AIG1: variants seen among roughly 807,000 people sequenced by gnomAD.
AIG1 encodes androgen induced 1, also known as androgen-induced gene 1 protein.
Under a neutral mutation model 31.4 loss-of-function variants are expected in AIG1, and 23 were observed. That is an observed-to-expected ratio of 0.73 (90% confidence interval 0.53 to 1.04). The LOEUF is 1.04. Ranked by LOEUF, AIG1 falls within the 50% of genes least tolerant of loss-of-function variation. The pLI, the probability that AIG1 is intolerant of heterozygous loss-of-function variation, is 0.00. For missense variants in AIG1, 274 were observed against 295.0 expected, an observed-to-expected ratio of 0.93 and a Z score of 0.52; for synonymous variants, 100 against 110.5, an observed-to-expected ratio of 0.90 and a Z score of 0.60.
At position 143,284,053 on chromosome 6, in the gene AIG1, C is replaced by T; in HGVS notation, c.400-57C>T. ...GTGCATTCTCCTACTGGTGAAAAAA[C>T]AACTATAGAGAGACAATGATAGCAA... On this transcript the variant is annotated intron_variant, in intron 3 of 5. Transcript: ENST00000357847. This position sits in a 1 kb window ranked among gnomAD's most constrained non-coding sequence, Gnocchi z 4.4. 6 of 1,347,270 alleles carry T rather than the reference C, an allele frequency of 4.5e-6. No individual in the cohort carries two copies. The highest frequency in any genetic ancestry group is 1.2e-5 in the South Asian group (1 of 81,592). 83.5% of individuals were successfully genotyped at this position (1,347,270 alleles called of 1,614,324 possible). A position where few individuals can be genotyped will look rare whatever the true frequency, so the allele number is the denominator to read the frequency against.
chr6:143,184,925 C>T (rs1789094782), intron 3 of AIG1, among the ~76,000 whole-genome samples: 2 of 152,058 alleles, frequency 1.3e-5, no homozygotes, highest in South Asian at 4.2e-4. Context: ...CGGCTGAGTG[C>T]AATGGCTCAC....
chr6:143,155,395 G>A (rs555799714), intron 2 of AIG1, among the ~76,000 whole-genome samples: 10 of 152,246 alleles, frequency 6.6e-5, no homozygotes, highest in African/African-American at 1.9e-4. Flanking sequence ...TTCTTGTGGG[G>A]GGGATATCTA....
chr6:143,250,352 A>C (rs993406610), intron 3 of AIG1, among the ~76,000 whole-genome samples: 1 of 152,244 alleles, frequency 6.6e-6, no homozygotes, highest in Non-Finnish European at 1.5e-5. Context: ...TGGGATAACT[A>C]AAATGCCAAT....
At chr6:143,289,405 A>G (rs2128686063) in intron 4 of AIG1, among the ~76,000 whole-genome samples, 2 of 152,216 alleles carry the variant, frequency 1.3e-5, no homozygotes, top group South Asian at 4.1e-4. Context: ...CCTAAACTCC[A>G]AAAAGGAGAG....
intron 4 of AIG1, among the ~76,000 whole-genome samples, chr6:143,314,113 C>T (rs376097214): frequency 1.4e-3 from 211 of 146,776 alleles, no homozygotes; most frequent in African/African-American, 4.9e-3. Flanking sequence ...CTTTAGAAGG[C>T]CAGAACTGCA....
chr6:143,163,694 C>T (rs770771088), intron 2 of AIG1, among the ~76,000 whole-genome samples: 1 of 152,168 alleles, frequency 6.6e-6, no homozygotes, highest in Non-Finnish European at 1.5e-5. Context: ...GTGCTCAGCT[C>T]TATTTCCAAC....
chr6:143,203,517 C>T (rs1001341200), intron 3 of AIG1, among the ~76,000 whole-genome samples: 5 of 152,162 alleles, frequency 3.3e-5, no homozygotes, highest in Non-Finnish European at 5.9e-5. Flanking sequence ...GATATATTCA[C>T]CTCTCTCCAT....
intron 3 of AIG1, among the ~76,000 whole-genome samples, chr6:143,176,506 C>T (rs55956634): frequency 5.9e-5 from 9 of 151,352 alleles, no homozygotes; most frequent in East Asian, 2.0e-4. Flanking sequence ...GACTCTTCTT[C>T]GGCAGGGCTT....
At chr6:143,217,777 G>A (rs1192970947) in intron 3 of AIG1, among the ~76,000 whole-genome samples, 1 of 152,162 alleles carries the variant, frequency 6.6e-6, no homozygotes, top group African/African-American at 2.4e-5. Context: ...CCAAAGTGCG[G>A]GGATTACAGG....
At chr6:143,267,268 A>G (rs1249919679) in intron 3 of AIG1, among the ~76,000 whole-genome samples, 2 of 152,294 alleles carry the variant, frequency 1.3e-5, no homozygotes, top group South Asian at 2.1e-4. Flanking sequence ...TCCCTTTACT[A>G]CAAGAACGCC....
At chr6:143,151,674 T>C (rs1359695286) in intron 2 of AIG1, among the ~76,000 whole-genome samples, 2 of 152,200 alleles carry the variant, frequency 1.3e-5, no homozygotes, top group Admixed American at 1.3e-4. Context: ...AGTGAACTTA[T>C]GCTAACGAAA....
At chr6:143,304,527 T>C (rs1418282215) in intron 4 of AIG1, among the ~76,000 whole-genome samples, 1 of 152,204 alleles carries the variant, frequency 6.6e-6, no homozygotes, top group African/African-American at 2.4e-5. Flanking sequence ...CTGGATTACA[T>C]TTATTGATTT....
At chr6:143,059,219 C>T (rs1776075393), upstream of AIG1, among the ~76,000 whole-genome samples, 1 of 152,172 alleles carries the variant, frequency 6.6e-6, no homozygotes, top group African/African-American at 2.4e-5. Context: ...AGCAGCAACC[C>T]GCTCCAGTCC....
intron 3 of AIG1, among the ~76,000 whole-genome samples, chr6:143,206,190 C>T (rs758381944): frequency 3.3e-5 from 5 of 152,184 alleles, no homozygotes; most frequent in South Asian, 2.1e-4. Context: ...AAATTGAATC[C>T]GTCACTGTCC....
At position 143,113,921 on chromosome 6, in the gene AIG1, C is replaced by T. The variant is rs903321495; in HGVS notation, c.142-22914C>T. ...TCCGGAGTAGCTGGGACTACAGGCA[C>T]CCACCACCACGCCCGGCTAACTTTT... On this transcript the variant is annotated intron_variant, in intron 1 of 5. Coordinates refer to ENST00000357847, the MANE Select transcript of AIG1 (RefSeq NM_016108.4). Among the ~76,000 whole-genome samples, 53 of 151,862 alleles carry T rather than the reference C, an allele frequency of 3.5e-4. 3 individuals carry two copies.
intron 3 of AIG1, among the ~76,000 whole-genome samples, chr6:143,209,558 AG>A (rs552382407): frequency 2.0e-4 from 31 of 152,242 alleles, no homozygotes; most frequent in African/African-American, 6.5e-4. Context: ...AAGATGGAGG[AG>A]GGGGCAATGA....
intron 1 of AIG1, among the ~76,000 whole-genome samples, chr6:143,063,615 C>T (rs928457337): frequency 3.2e-4 from 49 of 152,192 alleles, no homozygotes; most frequent in African/African-American, 9.6e-5. Context: ...TTAAAAAGAC[C>T]GTAAACTTTA....
chr6:143,343,452 A>G, downstream of AIG1: 2 of 369,766 alleles, frequency 5.4e-6, no homozygotes, highest in South Asian at 6.2e-5. Flanking sequence ...CATCGGCCCT[A>G]GAGTGATCAT....
chr6:143,301,955 G>A (rs1033697888), intron 4 of AIG1, among the ~76,000 whole-genome samples: 1 of 152,076 alleles, frequency 6.6e-6, no homozygotes, highest in Admixed American at 6.6e-5. Flanking sequence ...GCAGCTGTCC[G>A]CTAAGCTGGA....
Sources: allele counts gnomAD v4.1 joint callset (sites outside exome capture counted in the v4.1 genomes callset), GRCh38; gene constraint gnomAD v4.1.1; non-coding constraint Gnocchi (gnomAD v3.1); transcripts MANE v1.5; gene names NCBI Gene and HGNC (gene_info 2026-07-23, HGNC 2026-07-21).